LRP1B: variants seen among roughly 807,000 people sequenced by gnomAD.
LRP1B encodes the protein low-density lipoprotein receptor-related protein 1B.
A neutral mutation model predicts 556.6 loss-of-function variants in LRP1B; 217 were observed. The ratio of observed to expected loss-of-function variants is 0.39; its 90% confidence interval spans 0.35 to 0.44. The LOEUF is 0.44. LRP1B is among the 20% of genes least tolerant of loss of function. The pLI is 1.00. For synonymous variants in LRP1B, 2,047 were observed against 1,865.8 expected (o/e 1.10, Z -2.50); for missense variants, 5,053 against 5,620.8 (o/e 0.90, Z 3.23).
intron 1 of LRP1B, among the ~76,000 whole-genome samples, chr2:141,822,130 C>CACACACACACAGAGAGAG (rs374369026): frequency 2.8e-4 from 27 of 95,892 alleles, no homozygotes; most frequent in African/African-American, 1.1e-3. Flanking sequence ...CACACACACA[C>CACACACACACAGAGAGAG]AGAGAGAGAG....
chr2:141,923,446 ATGTGTGTG>A lies in LRP1B; in HGVS notation c.83-113053_83-113046del, dbSNP rs56356725. Among the ~76,000 whole-genome samples the A allele has an allele frequency of 2.4e-4, 20 of 81,748 alleles. No individual in the cohort carries two copies. In the South Asian group the frequency reaches 5.9e-3, roughly 24 times the overall value. 53.6% of individuals were successfully genotyped at this position (81,748 alleles called of 152,430 possible). ...ATAGTGACAAAGAGATTATATATAT[ATGTGTGTG>A]TGTGTGTGTGTGTGTGTGTGTGTGT... On this transcript the variant is annotated intron_variant, in intron 1 of 90. Coordinates refer to ENST00000389484, the MANE Select transcript of LRP1B (RefSeq NM_018557.3).
chr2:141,234,049 G>A (rs773831423), intron 5 of LRP1B, among the ~76,000 whole-genome samples: 32 of 152,020 alleles, frequency 2.1e-4, no homozygotes, highest in Non-Finnish European at 4.3e-4. Flanking sequence ...GTTGAATAAT[G>A]ACTTGCATAT....
At chr2:141,629,511 T>C (rs573585160) in intron 2 of LRP1B, among the ~76,000 whole-genome samples, 1 of 152,318 alleles carries the variant, frequency 6.6e-6, no homozygotes, top group Admixed American at 6.5e-5. Flanking sequence ...CAGCTGTATT[T>C]CTAGTGCCTA....
chr2:141,750,572 A>G (rs1161280247), intron 2 of LRP1B, among the ~76,000 whole-genome samples: 1 of 152,172 alleles, frequency 6.6e-6, no homozygotes, highest in East Asian at 1.9e-4. Flanking sequence ...ACCTCAAAAG[A>G]AAAAACAAAA....
intron 84 of LRP1B, among the ~76,000 whole-genome samples, chr2:140,288,761 A>G (rs1170935367): frequency 6.6e-6 from 1 of 151,790 alleles, no homozygotes; most frequent in African/African-American, 2.4e-5. Flanking sequence ...TTCCCAACAG[A>G]TATTTAAATA....
intron 2 of LRP1B, among the ~76,000 whole-genome samples, chr2:141,752,945 G>GAAAAAAAAAAAAAAAAAA (rs70994450): frequency 0.026 from 719 of 28,140 alleles, 164 homozygotes; most frequent in East Asian, 0.054. Context: ...CCCTGTCTCA[G>GAAAAAAAAAAAAAAAAAA]AAAAAAAAAA....
chr2:141,229,145 G>A (rs774727304), intron 6 of LRP1B, 38 bp downstream of exon 6: 1 of 1,603,270 alleles, frequency 6.2e-7, no homozygotes, highest in Non-Finnish European at 8.5e-7. Context: ...AATGAAATCA[G>A]TAAAGGGTGG....
intron 2 of LRP1B, among the ~76,000 whole-genome samples, chr2:141,667,488 T>C (rs920054808): frequency 7.2e-5 from 11 of 152,184 alleles, no homozygotes; most frequent in Non-Finnish European, 1.5e-4. Flanking sequence ...AAACAAGCTT[T>C]GTCCTGTACT....
intron 2 of LRP1B, among the ~76,000 whole-genome samples, chr2:141,498,217 T>A (rs932329476): frequency 6.6e-6 from 1 of 151,922 alleles, no homozygotes; most frequent in African/African-American, 2.4e-5. Flanking sequence ...TACACATTTT[T>A]AAACAAAACC....
At chr2:140,280,938 A>T (rs1192664806) in intron 84 of LRP1B, among the ~76,000 whole-genome samples, 1 of 151,860 alleles carries the variant, frequency 6.6e-6, no homozygotes, top group Non-Finnish European at 1.5e-5. Flanking sequence ...TACACTAAGA[A>T]CTACCTAGTA....
chr2:140,428,835 C>T (rs1234462419), intron 66 of LRP1B, among the ~76,000 whole-genome samples: 2 of 152,154 alleles, frequency 1.3e-5, no homozygotes, highest in Non-Finnish European at 2.9e-5. Flanking sequence ...CTGGTGCCAA[C>T]TTAGACAATA....
At chr2:141,240,603 T>C (rs1683829329) in intron 5 of LRP1B, among the ~76,000 whole-genome samples, 1 of 152,068 alleles carries the variant, frequency 6.6e-6, no homozygotes, top group South Asian at 2.1e-4. Flanking sequence ...GAGTTAATTG[T>C]AGAGGGTGAT....
In LRP1B at chr2:141,118,085, A is replaced by G. The variant is rs541975693; in HGVS notation, c.1014-55812T>C. Among the ~76,000 whole-genome samples the G allele has an allele frequency of 4.6e-5, 7 of 152,086 alleles. No homozygotes were observed. In the South Asian group the frequency reaches 1.4e-3, roughly 31 times the overall value. On this transcript the variant is annotated intron_variant, in intron 7 of 90. Transcript: ENST00000389484. ...TTAAAACTTTGTACCAAACAAATGCATTAATTACTATACATGGAAACTGTG... is the reference window on the plus strand; with the variant it reads ...TTAAAACTTTGTACCAAACAAATGCGTTAATTACTATACATGGAAACTGTG...
At chr2:142,070,364 A>T (rs1167038058) in intron 1 of LRP1B, among the ~76,000 whole-genome samples, 1 of 151,844 alleles carries the variant, frequency 6.6e-6, no homozygotes, top group African/African-American at 2.4e-5. Flanking sequence ...AATGAAACTG[A>T]GGCTTAGTGA....
rs890841175 is a variant in LRP1B, at chr2:140,739,509, C to T, written c.5759-22693G>A. Among the ~76,000 whole-genome samples, 4 of 152,160 alleles carry T rather than the reference C, an allele frequency of 2.6e-5. No homozygotes were observed. In the East Asian group the frequency reaches 7.7e-4, roughly 29 times the overall value. ...TAGAAAGGAGAGTTTCCATTTCAGT[C>T]TACCTCCCTGGTACATGAGATTTTA... On this transcript the variant is annotated intron_variant, in intron 35 of 90. Transcript: ENST00000389484.
rs74867160 is a variant in LRP1B, at chr2:140,484,897, C to T, written c.9425+446G>A. Among the ~76,000 whole-genome samples, 516 of 152,140 alleles carry T rather than the reference C, an allele frequency of 3.4e-3. 8 individuals carry two copies. The highest frequency in any genetic ancestry group is 0.012 in the African/African-American group (482 of 41,518). On this transcript the variant is annotated intron_variant, in intron 59 of 90. Coordinates refer to ENST00000389484, the MANE Select transcript of LRP1B (RefSeq NM_018557.3). ...CATCTTGAAGGCACATGATAATGCA[C>T]CCTGTCATTTATTATCCATGGATAC...
At chr2:141,921,343 A>G (rs1164178304) in intron 1 of LRP1B, among the ~76,000 whole-genome samples, 2 of 152,032 alleles carry the variant, frequency 1.3e-5, no homozygotes, top group Non-Finnish European at 2.9e-5. Context: ...AACTTAAATT[A>G]TTTGTGCAGA....
intron 1 of LRP1B, among the ~76,000 whole-genome samples, chr2:142,123,971 A>G (rs10496914): frequency 0.43 from 64,754 of 151,838 alleles, 15,678 homozygotes; most frequent in East Asian, 0.7. Context: ...AAGAAATCCC[A>G]AATGTAGACA....
At chr2:141,263,500 A>AT (rs764591387) in intron 3 of LRP1B, among the ~76,000 whole-genome samples, 3 of 152,146 alleles carry the variant, frequency 2.0e-5, no homozygotes, top group Non-Finnish European at 2.9e-5. Context: ...ATATAGAAGA[A>AT]TTGAATTTGT....
Sources: gnomAD v4.1 joint callset for allele counts (sites outside exome capture counted in the v4.1 genomes callset) on GRCh38, gnomAD v4.1.1 for gene constraint, MANE v1.5 for transcripts, NCBI Gene and HGNC (gene_info 2026-07-23, HGNC 2026-07-21) for gene names.